Variants in CXXC4 observed in about 807,000 individuals in gnomAD.
The protein encoded by CXXC4 is CXXC finger protein 4.
Under a neutral mutation model 20.5 loss-of-function variants are expected in CXXC4, and 5 were observed. The ratio of observed to expected loss-of-function variants is 0.24; its 90% confidence interval spans 0.13 to 0.51. The LOEUF (loss-of-function observed/expected upper bound fraction) is 0.51. CXXC4 is among the 20% of genes least tolerant of loss of function. The pLI, the probability that CXXC4 is intolerant of heterozygous loss-of-function variation, is 0.97. For synonymous variants in CXXC4, 250 were observed against 216.4 expected (o/e 1.16, Z -1.36); for missense variants, 419 against 496.4 (o/e 0.84, Z 1.48).
intron 2 of CXXC4, among the ~76,000 whole-genome samples, chr4:104,476,243 ATAAT>A (rs1456295221): frequency 5.3e-5 from 8 of 152,172 alleles, no homozygotes; most frequent in Admixed American, 1.3e-4. Flanking sequence ...CAGTGATGAA[ATAAT>A]TAAACAACCT....
chr4:104,491,236 C>A lies in CXXC4; in HGVS notation c.567G>T (p.Ser189=), dbSNP rs1434006486. Residue 189 remains serine (S), a synonymous_variant, in exon 2 of 3, where the codon TCG becomes TCT. Coordinates refer to ENST00000394767, the MANE Select transcript of CXXC4 (RefSeq NM_025212.4). ...LGKAGCPPEP[S]LQMANTNFLS... ...GGAAATTAGTATTTGCCATTTGCAA[C>A]GACGGCTCTGGCGGGCAGCCAGCTT... 5 of 1,612,998 alleles carry A rather than the reference C, an allele frequency of 3.1e-6. No homozygotes were observed. The highest frequency in any genetic ancestry group is 2.7e-5 in the African/African-American group (2 of 74,838).
At chr4:104,483,742 A>G (rs1736611439) in intron 2 of CXXC4, among the ~76,000 whole-genome samples, 1 of 151,980 alleles carries the variant, frequency 6.6e-6, no homozygotes, top group African/African-American at 2.4e-5. Flanking sequence ...TGTCTTGGAA[A>G]AAAAAGTCAA....
rs1736209063 is a variant in CXXC4, at chr4:104,469,531, T to A, written c.*2791A>T. 1 of 152,062 alleles carries A rather than the reference T, an allele frequency of 6.6e-6. No homozygotes were observed. The highest frequency in any genetic ancestry group is 1.5e-5 in the Non-Finnish European group (1 of 67,982). 9.4% of individuals were successfully genotyped at this position (152,062 alleles called of 1,614,324 possible). A position where few individuals can be genotyped will look rare whatever the true frequency, so the allele number is the denominator to read the frequency against. ...AGTGAGGAATATTTAAAAGTTACAT[T>A]TCATTGGTATTTGAAAATCATGAAA... On this transcript the variant is annotated 3_prime_UTR_variant, in exon 3 of 3. Coordinates refer to ENST00000394767, the MANE Select transcript of CXXC4 (RefSeq NM_025212.4).
rs1025695830 is a variant in CXXC4 at position 104,468,363 on chromosome 4, T to C, written c.*3959A>G. 6.7e-6 allele frequency: 1 copy of C among 150,260 alleles called. No homozygotes were observed. Among genetic ancestry groups the C allele is most frequent in the Non-Finnish European group, 1.5e-5 (1 of 67,634 alleles). The allele number at this position is 150,260 out of a possible 1,614,324, so 9.3% of individuals were successfully genotyped here. ...CACAGAAATTTCACAAAAACAACTT[T>C]ACTGGGCAAATTGAATGTGATTTTT... On this transcript the variant is annotated 3_prime_UTR_variant, in exon 3 of 3. Transcript: ENST00000394767.
In CXXC4 at chr4:104,472,438, T is replaced by C. The variant is rs150596658; in HGVS notation, c.1060-72A>G. On this transcript the variant is annotated intron_variant, in intron 2 of 2. Transcript: ENST00000394767. ...AATATAAAATTAGATTTTTCTCCTT[T>C]ACACTTCAGCAATATTTTTAGTTAC... is the stretch of plus-strand genomic sequence containing the variant. 1,535 of 1,063,512 alleles carry C rather than the reference T, an allele frequency of 1.4e-3. 14 individuals carry two copies. In the African/African-American group the frequency reaches 0.021, roughly 15 times the overall value. 65.9% of individuals were successfully genotyped at this position (1,063,512 alleles called of 1,614,324 possible). A position where few individuals can be genotyped will look rare whatever the true frequency, so the allele number is the denominator to read the frequency against.
At position 104,472,309 on chromosome 4, in the gene CXXC4, A is replaced by G; in HGVS notation, c.*13T>C. ...CATTTCCAAATGCCTTGAAAATAAG[A>G]TATACTACTGCTTTAAAAGAACCAT... On this transcript the variant is annotated 3_prime_UTR_variant, in exon 3 of 3. Coordinates refer to ENST00000394767, the MANE Select transcript of CXXC4 (RefSeq NM_025212.4). 2 of 1,585,672 alleles carry G rather than the reference A, an allele frequency of 1.3e-6. No individual in the cohort carries two copies. Among genetic ancestry groups the G allele is most frequent in the Non-Finnish European group, 1.7e-6 (2 of 1,160,428 alleles).
At chr4:104,482,831 TC>T in intron 2 of CXXC4, among the ~76,000 whole-genome samples, 1 of 152,188 alleles carries the variant, frequency 6.6e-6, no homozygotes, top group South Asian at 2.1e-4. Flanking sequence ...TCTCTTTTCA[TC>T]CTACTTGATC....
chr4:104,477,232 A>AAG (rs1366246809), intron 2 of CXXC4, among the ~76,000 whole-genome samples: 10 of 152,194 alleles, frequency 6.6e-5, no homozygotes, highest in African/African-American at 2.4e-4. Context: ...TAAAACTTTC[A>AAG]AACTTTAGAA....
chr4:104,493,818 A>G (rs1236029828), intron 1 of CXXC4, among the ~76,000 whole-genome samples: 1 of 152,240 alleles, frequency 6.6e-6, no homozygotes, highest in African/African-American at 2.4e-5. Flanking sequence ...GTTTCTGCGA[A>G]TCACATTGTA....
intron 2 of CXXC4, among the ~76,000 whole-genome samples, chr4:104,479,751 CCT>C (rs1395238797): frequency 6.8e-6 from 1 of 148,102 alleles, no homozygotes; most frequent in Non-Finnish European, 1.5e-5. Flanking sequence ...TTCTTTTTCC[CCT>C]CTCCCTCCCT....
chr4:104,488,688 A>C (rs1196626893), intron 2 of CXXC4, among the ~76,000 whole-genome samples: 1 of 152,194 alleles, frequency 6.6e-6, no homozygotes, highest in Non-Finnish European at 1.5e-5. Flanking sequence ...GTTTTATGGG[A>C]TTTTGTCATC....
rs1736284251 is a variant in CXXC4 at position 104,471,840 on chromosome 4, G to GT, written c.*481dup. On this transcript the variant is annotated 3_prime_UTR_variant, in exon 3 of 3. Coordinates refer to ENST00000394767, the MANE Select transcript of CXXC4 (RefSeq NM_025212.4). The stretch of plus-strand genomic sequence containing the variant: ...CAGATTTAACTTGCAGAACCATACT[G>GT]TTGTGTACAAACTGTTAATCTCCAT... 1 of 152,182 alleles carries GT rather than the reference G, an allele frequency of 6.6e-6. No individual in the cohort carries two copies. Among genetic ancestry groups the GT allele is most frequent in the Admixed American group, 6.6e-5 (1 of 15,220 alleles). 9.4% of individuals were successfully genotyped at this position (152,182 alleles called of 1,614,324 possible). A position where few individuals can be genotyped will look rare whatever the true frequency, so the allele number is the denominator to read the frequency against.
Position 104,472,251 on chromosome 4 carries a change from C to T in CXXC4, c.*71G>A, listed in dbSNP as rs994007947. 7.7e-6 allele frequency: 7 copies of T among 907,610 alleles called. No individual in the cohort carries two copies. Among genetic ancestry groups the T allele is most frequent in the Non-Finnish European group, 1.0e-5 (6 of 581,338 alleles). 56.2% of individuals were successfully genotyped at this position (907,610 alleles called of 1,614,324 possible). A position where few individuals can be genotyped will look rare whatever the true frequency, so the allele number is the denominator to read the frequency against. ...ATATTTTCTTCAGTGGTGGACTAAGCAGTTTCTTAAAACAAGACATTAGTT... is the reference window on the plus strand; with the variant it reads ...ATATTTTCTTCAGTGGTGGACTAAGTAGTTTCTTAAAACAAGACATTAGTT... On this transcript the variant is annotated 3_prime_UTR_variant, in exon 3 of 3. Coordinates refer to ENST00000394767, the MANE Select transcript of CXXC4 (RefSeq NM_025212.4).
intron 1 of CXXC4, among the ~76,000 whole-genome samples, chr4:104,493,540 G>A (rs1476158620): frequency 3.3e-5 from 5 of 152,096 alleles, no homozygotes; most frequent in African/African-American, 1.2e-4. Context: ...TAAAAAGAGG[G>A]GTTTATGTAA....
intron 2 of CXXC4, among the ~76,000 whole-genome samples, chr4:104,485,889 C>G (rs1186658138): frequency 6.6e-6 from 1 of 151,986 alleles, no homozygotes. Context: ...ATGACTGAGA[C>G]TAAACAAAAT....
At chr4:104,487,604 A>G (rs1251724933) in intron 2 of CXXC4, among the ~76,000 whole-genome samples, 1 of 152,146 alleles carries the variant, frequency 6.6e-6, no homozygotes, top group Non-Finnish European at 1.5e-5. Context: ...GGAACTTAAT[A>G]TTTTTCATTT....
chr4:104,478,164 C>T (rs1736463045), intron 2 of CXXC4, among the ~76,000 whole-genome samples: 1 of 152,082 alleles, frequency 6.6e-6, no homozygotes, highest in South Asian at 2.1e-4. Flanking sequence ...ATAATTGATT[C>T]TCCCTTGGCT....
chr4:104,489,560 A>G (rs1736786852), intron 2 of CXXC4, among the ~76,000 whole-genome samples: 1 of 152,246 alleles, frequency 6.6e-6, no homozygotes, highest in Non-Finnish European at 1.5e-5. Flanking sequence ...GTTAAAGCAC[A>G]GAATGCTAAA....
rs1736900511 is a variant in CXXC4 at position 104,492,011 on chromosome 4, T to C, written c.-209A>G. On this transcript the variant is annotated 5_prime_UTR_variant, in exon 2 of 3. Coordinates refer to ENST00000394767, the MANE Select transcript of CXXC4 (RefSeq NM_025212.4). Reference sequence around the variant, plus strand: ...CTCTGGGGCTCATTTCCACAGACGGTGAATTCCCAGGCAGCGTCTTCCTTT... The same window carrying C: ...CTCTGGGGCTCATTTCCACAGACGGCGAATTCCCAGGCAGCGTCTTCCTTT... 5.1e-6 allele frequency: 2 copies of C among 394,426 alleles called. No homozygotes were observed. The highest frequency in any genetic ancestry group is 4.5e-6 in the Non-Finnish European group (1 of 223,148). 24.4% of individuals were successfully genotyped at this position (394,426 alleles called of 1,614,324 possible).
Sources: gnomAD v4.1 joint callset for allele counts (sites outside exome capture counted in the v4.1 genomes callset) on GRCh38, gnomAD v4.1.1 for gene constraint, MANE v1.5 for transcripts, NCBI Gene and HGNC (gene_info 2026-07-23, HGNC 2026-07-21) for gene names.